Variants in ZNF469 observed in about 807,000 individuals in gnomAD.
ZNF469 encodes the protein zinc finger protein 469.
ZNF469 carries 1 observed loss-of-function variant against 1.0 expected under a neutral mutation model. That is an observed-to-expected ratio of 1.00 (90% confidence interval 0.35 to 4.73). The LOEUF is 4.73. ZNF469 is among the 30% of genes most tolerant of loss of function. The pLI, the probability that ZNF469 is intolerant of heterozygous loss-of-function variation, is 0.16. For missense variants in ZNF469, 6,100 were observed against 5,356.3 expected, an observed-to-expected ratio of 1.14 and a Z score of -4.33; for synonymous variants, 2,703 against 2,363.4, an observed-to-expected ratio of 1.14 and a Z score of -4.17.
the ZNF469 span, among the ~76,000 whole-genome samples, chr16:88,282,657 T>A: frequency 6.6e-6 from 1 of 152,134 alleles, no homozygotes; most frequent in Non-Finnish European, 1.5e-5. Context: ...CCTTATCTGC[T>A]CAGCCGTTAA....
At chr16:88,267,092 C>G in the ZNF469 span, among the ~76,000 whole-genome samples, 1 of 152,350 alleles carries the variant, frequency 6.6e-6, no homozygotes, top group South Asian at 2.1e-4. Flanking sequence ...GGAGCTCACT[C>G]TATCTGCCTT....
the ZNF469 span, among the ~76,000 whole-genome samples, chr16:88,159,848 G>C: frequency 2.6e-5 from 4 of 152,156 alleles, no homozygotes; most frequent in Non-Finnish European, 5.9e-5. Flanking sequence ...AGCAAGGATG[G>C]TCCCTGAGGG....
the ZNF469 span, among the ~76,000 whole-genome samples, chr16:88,227,495 C>T: frequency 6.7e-6 from 1 of 149,866 alleles, no homozygotes. Context: ...TCCCTGTGTC[C>T]CCGTCTCCCC....
At chr16:88,277,810 A>C in the ZNF469 span, among the ~76,000 whole-genome samples, 1,568 of 25,632 alleles carry the variant, frequency 0.061, 280 homozygotes, top group East Asian at 0.59. Context: ...GCTGCGTCAC[A>C]CCGACGCTCG....
chr16:88,118,222 C>T, the ZNF469 span, among the ~76,000 whole-genome samples: 8 of 152,368 alleles, frequency 5.3e-5, no homozygotes, highest in East Asian at 7.7e-4. Context: ...GGATTACAGG[C>T]GTGAACCACT....
chr16:88,328,744 G>A, the ZNF469 span, among the ~76,000 whole-genome samples: 690 of 152,312 alleles, frequency 4.5e-3, 3 homozygotes, highest in African/African-American at 0.013. Flanking sequence ...GAGAGGGTGC[G>A]GTGTGAGCAA....
At chr16:88,116,334 G>T in the ZNF469 span, among the ~76,000 whole-genome samples, 6 of 152,116 alleles carry the variant, frequency 3.9e-5, no homozygotes, top group Non-Finnish European at 5.9e-5. Context: ...TAGACACAGG[G>T]CCTGGACCTC....
chr16:88,419,145 G>A (rs559061452), intron 1 of ZNF469, among the ~76,000 whole-genome samples: 1 of 152,374 alleles, frequency 6.6e-6, no homozygotes, highest in Non-Finnish European at 1.5e-5. Context: ...CAGCGGTGCT[G>A]GCACACATGG....
chr16:88,324,743 A>G, the ZNF469 span, among the ~76,000 whole-genome samples: 4 of 152,338 alleles, frequency 2.6e-5, no homozygotes, highest in South Asian at 8.3e-4. Flanking sequence ...GGCACCTTCC[A>G]GATGTTGCCA....
Position 88,429,937 on chromosome 16 carries a change from AC to A in ZNF469, c.2472del (p.Phe825SerfsTer67). ...AGGCTTCCTGCCCAGCCTGGCCGCC[AC>A]CCCCTTCCCGCTCCCTGCCTCGGAC... ...RTGFLPSLAATPFPLPASDLD... is the reference protein window; with the variant it reads ...RTGFLPSLAAXPFPLPASDLD... On this transcript the variant is annotated frameshift_variant, in exon 3 of 3. Coordinates refer to ENST00000565624, the MANE Select transcript of ZNF469 (RefSeq NM_001367624.2). LOFTEE classifies it low-confidence loss of function (END_TRUNC). The A allele has an allele frequency of 6.5e-7, 1 of 1,549,894 alleles. No homozygotes were observed. Among genetic ancestry groups the A allele is most frequent in the Non-Finnish European group, 8.7e-7 (1 of 1,146,824 alleles).
At chr16:88,117,987 G>C in the ZNF469 span, among the ~76,000 whole-genome samples, 1 of 152,256 alleles carries the variant, frequency 6.6e-6, no homozygotes, top group African/African-American at 2.4e-5. Flanking sequence ...CTGTCGCCCA[G>C]GCTGGAGTGC....
chr16:88,435,509 C>T lies in ZNF469; in HGVS notation c.8039C>T (p.Ser2680Phe), dbSNP rs1597212573. ...SYAASPSHCLSVEGGPEADGE... is the reference protein window; with the variant it reads ...SYAASPSHCLFVEGGPEADGE... The stretch of plus-strand genomic sequence containing the variant: ...GCAGCCTCTCCGAGCCACTGCCTCT[C>T]TGTGGAAGGAGGGCCTGAGGCTGAC... Residue 2680 changes from serine to phenylalanine, a missense_variant, in exon 3 of 3, where the codon TCT becomes TTT. By Grantham distance (155) the Ser-to-Phe change is radical. Coordinates refer to ENST00000565624, the MANE Select transcript of ZNF469 (RefSeq NM_001367624.2). The T allele has an allele frequency of 6.5e-7, 1 of 1,549,424 alleles. No individual in the cohort carries two copies. Among genetic ancestry groups the T allele is most frequent in the African/African-American group, 1.4e-5 (1 of 73,198 alleles).
At chr16:88,317,493 C>T in the ZNF469 span, among the ~76,000 whole-genome samples, 1 of 152,206 alleles carries the variant, frequency 6.6e-6, no homozygotes, top group Admixed American at 6.5e-5. Flanking sequence ...GGTAGGGCCA[C>T]GGGCCTGTGG....
rs1005743038 is a variant in ZNF469, at chr16:88,436,054, C to T, written c.8584C>T (p.Leu2862Phe). ...LFDDEVSFSQ[L>F]FPPGGRLTRK... ...TGATGATGAGGTCTCTTTCTCCCAG[C>T]TCTTCCCTCCAGGCGGTCGCTTGAC... The change falls in exon 3 of 3, where the codon CTC becomes TTC. Residue 2862 changes from leucine (L) to phenylalanine (F), a missense_variant. By Grantham distance (22) the Leu-to-Phe change is conservative. Transcript: ENST00000565624. The T allele has an allele frequency of 6.5e-7, 1 of 1,550,140 alleles. No homozygotes were observed. The highest frequency in any genetic ancestry group is 8.7e-7 in the Non-Finnish European group (1 of 1,146,998).
At chr16:88,422,000 G>A (rs1412618271) in intron 1 of ZNF469, among the ~76,000 whole-genome samples, 2 of 151,266 alleles carry the variant, frequency 1.3e-5, no homozygotes, top group East Asian at 1.9e-4. Flanking sequence ...GATTAGAGGG[G>A]ATGGGCAGGT....
chr16:88,301,975 T>C, the ZNF469 span, among the ~76,000 whole-genome samples: 3 of 152,214 alleles, frequency 2.0e-5, no homozygotes, highest in African/African-American at 7.2e-5. Context: ...TACATTGTTG[T>C]GCTCACTATA....
chr16:88,144,220 C>T, the ZNF469 span, among the ~76,000 whole-genome samples: 3 of 152,208 alleles, frequency 2.0e-5, no homozygotes, highest in East Asian at 3.9e-4. Context: ...GTGGGGAGGG[C>T]GGGGGGCGTC....
At chr16:88,349,506 C>T in the ZNF469 span, among the ~76,000 whole-genome samples, 1 of 147,214 alleles carries the variant, frequency 6.8e-6, no homozygotes, top group Non-Finnish European at 1.5e-5. Context: ...TACACACACA[C>T]TCTACACAAT....
the ZNF469 span, among the ~76,000 whole-genome samples, chr16:88,335,005 G>A: frequency 0.011 from 1,720 of 152,352 alleles, 28 homozygotes; most frequent in African/African-American, 0.039. Context: ...CCAACGGGAG[G>A]ACACATGTGT....
Sources: gnomAD v4.1 joint callset for allele counts (sites outside exome capture counted in the v4.1 genomes callset) on GRCh38, gnomAD v4.1.1 for gene constraint, MANE v1.5 for transcripts, NCBI Gene and HGNC (gene_info 2026-07-23, HGNC 2026-07-21) for gene names.